ADAMTS6: variants seen among roughly 807,000 people sequenced by gnomAD.
ADAMTS6 encodes A disintegrin and metalloproteinase with thrombospondin motifs 6.
ADAMTS6 carries 23 observed loss-of-function variants against 144.3 expected under a neutral mutation model. The observed-to-expected ratio is 0.16, with a 90% confidence interval of 0.11 to 0.23. The LOEUF (loss-of-function observed/expected upper bound fraction) is 0.23, where lower values mean the gene tolerates loss of function less well. Ranked by LOEUF, ADAMTS6 falls within the 10% of genes least tolerant of loss-of-function variation. ADAMTS6 has a pLI of 1.00. For missense variants in ADAMTS6, 999 were observed against 1,379.6 expected (o/e 0.72, Z 4.37); for synonymous variants, 444 against 457.5 (o/e 0.97, Z 0.38).
chr5:65,233,482 A>G (rs1261087910), intron 15 of ADAMTS6, among the ~76,000 whole-genome samples: 4 of 152,156 alleles, frequency 2.6e-5, no homozygotes, highest in Admixed American at 2.6e-4. Context: ...ACAAAAATTC[A>G]GTAAATACGG....
In ADAMTS6 at chr5:65,285,672, A is replaced by C. The variant is rs191137059; in HGVS notation, c.1512+5657T>G. ...GTAGTAATAAGCAAGATAAACAAGT[A>C]AAATAGATAGTATGTCAGGAAATGA... On this transcript the variant is annotated intron_variant, in intron 11 of 24. Coordinates refer to ENST00000381055, the MANE Select transcript of ADAMTS6 (RefSeq NM_197941.4). Among the ~76,000 whole-genome samples the C allele has an allele frequency of 4.6e-5, 7 of 152,270 alleles. No individual in the cohort carries two copies. The East Asian group carries it at 1.2e-3, about 25-fold the overall frequency.
chr5:65,298,014 G>T (rs1743007846), intron 10 of ADAMTS6, among the ~76,000 whole-genome samples: 1 of 152,052 alleles, frequency 6.6e-6, no homozygotes, highest in South Asian at 2.1e-4. Flanking sequence ...AATGCTTTTT[G>T]GATCAATTAT....
At chr5:65,216,125 T>C (rs1268722674) in intron 18 of ADAMTS6, among the ~76,000 whole-genome samples, 1 of 152,052 alleles carries the variant, frequency 6.6e-6, no homozygotes, top group African/African-American at 2.4e-5. Flanking sequence ...CTCAAACAAA[T>C]ACTTGGACAC....
At chr5:65,322,558 G>C (rs1386655509) in intron 9 of ADAMTS6, among the ~76,000 whole-genome samples, 2 of 122,462 alleles carry the variant, frequency 1.6e-5, no homozygotes, top group African/African-American at 3.5e-5. Context: ...GCAGTGGTAT[G>C]TAGTTTTTTT....
At position 65,422,656 on chromosome 5, in the gene ADAMTS6, A is replaced by T. The variant is rs1049320703; in HGVS notation, c.1073+28819T>A. Among the ~76,000 whole-genome samples the T allele has an allele frequency of 3.2e-4, 9 of 27,712 alleles. No homozygotes were observed. The African/African-American group carries it at 4.5e-3, about 14-fold the overall frequency. The allele number at this position is 27,712 out of a possible 152,430, so 18.2% of individuals were successfully genotyped here. On this transcript the variant is annotated intron_variant, in intron 7 of 24. Coordinates refer to ENST00000381055, the MANE Select transcript of ADAMTS6 (RefSeq NM_197941.4). ...AATAAATAAAAAAATTAAAAAATTAAAAAAAAACAAGAAAAGGGAACACTT... is the reference window on the plus strand; with the variant it reads ...AATAAATAAAAAAATTAAAAAATTATAAAAAAACAAGAAAAGGGAACACTT...
intron 22 of ADAMTS6, among the ~76,000 whole-genome samples, chr5:65,176,160 T>A (rs1753970126): frequency 6.6e-6 from 1 of 152,042 alleles, no homozygotes; most frequent in Admixed American, 6.5e-5. Flanking sequence ...AAGAGTGTTA[T>A]ATGGGAAGTT....
At chr5:65,330,540 A>C (rs1294312698) in intron 8 of ADAMTS6, among the ~76,000 whole-genome samples, 1 of 152,156 alleles carries the variant, frequency 6.6e-6, no homozygotes, top group Admixed American at 6.6e-5. Flanking sequence ...TATTTATTGA[A>C]TACAGTAAGC....
rs191773314 is a variant in ADAMTS6, at chr5:65,161,092, G to A, written c.3245-9147C>T. Among the ~76,000 whole-genome samples, 16 of 152,040 alleles carry A rather than the reference G, an allele frequency of 1.1e-4. No homozygotes were observed. In the South Asian group the frequency reaches 1.2e-3, roughly 12 times the overall value. ...CTCACTCTGTCACCCTGGCTGGAGT[G>A]CAATGGTGTGATCATGGCTCACTGC... On this transcript the variant is annotated intron_variant, in intron 24 of 24. Transcript: ENST00000381055.
chr5:65,407,301 A>G (rs1028022187), intron 7 of ADAMTS6, among the ~76,000 whole-genome samples: 7 of 152,138 alleles, frequency 4.6e-5, no homozygotes, highest in African/African-American at 1.4e-4. Flanking sequence ...CAGAAACTCT[A>G]AAAGCCAGAA....
chr5:65,224,013 G>A (rs575953039), intron 18 of ADAMTS6, among the ~76,000 whole-genome samples: 1 of 152,160 alleles, frequency 6.6e-6, no homozygotes, highest in South Asian at 2.1e-4. Context: ...TGTTAGCCAA[G>A]ATGGTCTCGA....
intron 7 of ADAMTS6, among the ~76,000 whole-genome samples, chr5:65,444,826 C>A (rs900744904): frequency 6.6e-6 from 1 of 152,106 alleles, no homozygotes; most frequent in Admixed American, 6.5e-5. Context: ...GACTTTGTAG[C>A]AAGACTGCAT....
chr5:65,299,958 T>C (rs752324583), intron 10 of ADAMTS6, 27 bp downstream of exon 10: 2 of 1,602,464 alleles, frequency 1.2e-6, no homozygotes, highest in South Asian at 1.1e-5. Flanking sequence ...TGGAGCTATT[T>C]ATCATCACTC....
intron 7 of ADAMTS6, among the ~76,000 whole-genome samples, chr5:65,414,066 T>C (rs1051574418): frequency 2.0e-5 from 3 of 152,054 alleles, no homozygotes; most frequent in Non-Finnish European, 4.4e-5. Context: ...GCCCTCCCTA[T>C]ATCCAGAGGA....
At chr5:65,224,133 G>A (rs1757540599) in intron 18 of ADAMTS6, among the ~76,000 whole-genome samples, 187 bp downstream of exon 18, 1 of 152,090 alleles carries the variant, frequency 6.6e-6, no homozygotes, top group South Asian at 2.1e-4. Flanking sequence ...ACCCGGTGAA[G>A]AGTAAGCTAT....
intron 10 of ADAMTS6, among the ~76,000 whole-genome samples, chr5:65,295,708 T>C (rs1442083805): frequency 6.6e-6 from 1 of 152,054 alleles, no homozygotes; most frequent in African/African-American, 2.4e-5. Context: ...AATTATTGAA[T>C]TCCTAGACTC....
intron 7 of ADAMTS6, among the ~76,000 whole-genome samples, chr5:65,357,610 C>T (rs1561459333): frequency 6.6e-6 from 1 of 150,724 alleles, no homozygotes; most frequent in Non-Finnish European, 1.5e-5. Context: ...GTTAGCTAGA[C>T]TAAAAAATAA....
At chr5:65,226,357 C>T (rs1342883734) in intron 15 of ADAMTS6, 138 bp from the exon 16 acceptor site, 4 of 870,758 alleles carry the variant, frequency 4.6e-6, no homozygotes, top group African/African-American at 1.7e-5. Context: ...GTTTCTTTCC[C>T]CCTTTTCTAA....
intron 21 of ADAMTS6, among the ~76,000 whole-genome samples, chr5:65,189,594 T>A (rs1290316893): frequency 6.6e-6 from 1 of 152,194 alleles, no homozygotes; most frequent in Non-Finnish European, 1.5e-5. Flanking sequence ...CCAGCTCAAG[T>A]TGAAGTTTTG....
intron 11 of ADAMTS6, among the ~76,000 whole-genome samples, chr5:65,290,773 A>G (rs949072426): frequency 6.6e-6 from 1 of 152,174 alleles, no homozygotes; most frequent in South Asian, 2.1e-4. Context: ...TAAGGCAGAC[A>G]TGCAGAATAA....
Sources: allele counts gnomAD v4.1 joint callset (sites outside exome capture counted in the v4.1 genomes callset), GRCh38; gene constraint gnomAD v4.1.1; transcripts MANE v1.5; gene names NCBI Gene and HGNC (gene_info 2026-07-23, HGNC 2026-07-21).